The following EPHA6 variants were observed in gnomAD, a reference collection of about 807,000 sequenced individuals.
EPHA6 encodes the protein EPH receptor A6.
EPHA6 carries 50 observed loss-of-function variants against 112.0 expected under a neutral mutation model. The ratio of observed to expected loss-of-function variants is 0.45; its 90% confidence interval spans 0.36 to 0.56. The LOEUF (loss-of-function observed/expected upper bound fraction) is 0.56. Ranked by LOEUF, EPHA6 falls within the 20% of genes least tolerant of loss-of-function variation. The probability of loss-of-function intolerance (pLI) is 0.00; values close to 1 mark genes in which losing one functional copy is unlikely to be tolerated. For missense variants in EPHA6, 1,280 were observed against 1,417.4 expected, an observed-to-expected ratio of 0.90 and a Z score of 1.56; for synonymous variants, 529 against 490.7, an observed-to-expected ratio of 1.08 and a Z score of -1.03.
At chr3:97,248,387 A>G (rs2079040813) in intron 5 of EPHA6, among the ~76,000 whole-genome samples, 1 of 152,092 alleles carries the variant, frequency 6.6e-6, no homozygotes. Context: ...AGTGCATGAT[A>G]GGAAAACGAA....
At chr3:97,221,995 T>A (rs1181579239) in intron 3 of EPHA6, among the ~76,000 whole-genome samples, 22 of 146,904 alleles carry the variant, frequency 1.5e-4, no homozygotes, top group Non-Finnish European at 2.4e-4. Flanking sequence ...ACCACTGCAC[T>A]CCAGCCTGGA....
intron 14 of EPHA6, among the ~76,000 whole-genome samples, chr3:97,660,178 A>G (rs1351916869): frequency 1.3e-5 from 2 of 152,072 alleles, no homozygotes; most frequent in Non-Finnish European, 1.5e-5. Flanking sequence ...AATAGCATTC[A>G]TTATGCTCCC....
chr3:97,480,876 C>T lies in EPHA6; in HGVS notation c.2074+1512C>T, dbSNP rs935965805. ...GCAGAGGCGCTCCTCATATCCCAGA[C>T]GGGGTGGCAGAGCAGAGGCGCTCCC... On this transcript the variant is annotated intron_variant, in intron 9 of 17. Coordinates refer to ENST00000389672, the MANE Select transcript of EPHA6 (RefSeq NM_001080448.3). Among the ~76,000 whole-genome samples the T allele has an allele frequency of 5.9e-5, 9 of 151,730 alleles. No individual in the cohort carries two copies. The East Asian group carries it at 9.8e-4, about 17-fold the overall frequency.
chr3:96,896,734 T>C (rs1290776739), intron 2 of EPHA6, among the ~76,000 whole-genome samples: 1 of 152,206 alleles, frequency 6.6e-6, no homozygotes, highest in Non-Finnish European at 1.5e-5. Flanking sequence ...CAAGGAATTA[T>C]GATATCACCT....
At chr3:97,384,727 AAT>A (rs916420402) in intron 5 of EPHA6, among the ~76,000 whole-genome samples, 1 of 152,178 alleles carries the variant, frequency 6.6e-6, no homozygotes, top group East Asian at 1.9e-4. Flanking sequence ...GATAACATGA[AAT>A]AATAGAAACA....
intron 5 of EPHA6, among the ~76,000 whole-genome samples, chr3:97,334,606 A>G (rs1393063022): frequency 6.6e-6 from 1 of 151,742 alleles, no homozygotes; most frequent in Non-Finnish European, 1.5e-5. Context: ...CAGCCTCTCA[A>G]GTAGCTGGGA....
intron 3 of EPHA6, among the ~76,000 whole-genome samples, chr3:97,060,640 G>C (rs1004957299): frequency 6.6e-6 from 1 of 151,852 alleles, no homozygotes; most frequent in South Asian, 2.1e-4. Context: ...GGCCGGGCGC[G>C]GTGGCTCACG....
At chr3:97,653,422 G>A (rs912293906) in intron 14 of EPHA6, among the ~76,000 whole-genome samples, 2 of 151,796 alleles carry the variant, frequency 1.3e-5, no homozygotes, top group Non-Finnish European at 2.9e-5. Context: ...ATCACTAATC[G>A]TCATGGAAAT....
intron 3 of EPHA6, among the ~76,000 whole-genome samples, chr3:97,009,662 A>T (rs2044009621): frequency 6.6e-6 from 1 of 152,228 alleles, no homozygotes; most frequent in African/African-American, 2.4e-5. Context: ...GCTTAAGCAG[A>T]TTCCAGCTGA....
At chr3:97,323,707 G>T (rs1174833288) in intron 5 of EPHA6, among the ~76,000 whole-genome samples, 3 of 151,698 alleles carry the variant, frequency 2.0e-5, no homozygotes, top group African/African-American at 4.8e-5. Context: ...AACGTAAATG[G>T]TCTCTATTGA....
chr3:96,990,048 A>G (rs2043159118), intron 3 of EPHA6, among the ~76,000 whole-genome samples: 1 of 152,186 alleles, frequency 6.6e-6, no homozygotes, highest in South Asian at 2.1e-4. Flanking sequence ...CATCAGTTTT[A>G]CCATATTTTA....
At chr3:97,467,085 A>G (rs188005001) in intron 7 of EPHA6, among the ~76,000 whole-genome samples, 4 of 151,936 alleles carry the variant, frequency 2.6e-5, no homozygotes, top group Non-Finnish European at 5.9e-5. Flanking sequence ...CTGTATTACA[A>G]CTATGATCTG....
chr3:97,027,934 C>T (rs905864624), intron 3 of EPHA6, among the ~76,000 whole-genome samples: 1 of 152,122 alleles, frequency 6.6e-6, no homozygotes, highest in African/African-American at 2.4e-5. Context: ...TCCAAATTCC[C>T]GTATCCTGGT....
intron 2 of EPHA6, among the ~76,000 whole-genome samples, chr3:96,917,514 A>G (rs2039548854): frequency 6.6e-6 from 1 of 152,018 alleles, no homozygotes; most frequent in African/African-American, 2.4e-5. Flanking sequence ...GCTGTGGAAA[A>G]AAAATAAGCT....
intron 5 of EPHA6, among the ~76,000 whole-genome samples, chr3:97,336,302 G>A (rs757585853): frequency 7.2e-5 from 11 of 152,148 alleles, no homozygotes; most frequent in Non-Finnish European, 1.3e-4. Flanking sequence ...GGACAGCTTG[G>A]AGGTTAGAAA....
At chr3:97,551,286 G>A (rs116299799) in intron 11 of EPHA6, among the ~76,000 whole-genome samples, 1,793 of 152,222 alleles carry the variant, frequency 0.012, 20 homozygotes, top group Non-Finnish European at 0.019. Flanking sequence ...ATAGAGCACA[G>A]TCTTCTGTTT....
intron 3 of EPHA6, among the ~76,000 whole-genome samples, chr3:97,039,452 A>G (rs1343112843): frequency 6.6e-6 from 1 of 152,066 alleles, no homozygotes. Context: ...AGTAGATTGA[A>G]GAATGAATGG....
chr3:97,616,364 T>C (rs1274333529), intron 13 of EPHA6, among the ~76,000 whole-genome samples: 2 of 151,942 alleles, frequency 1.3e-5, no homozygotes, highest in African/African-American at 4.8e-5. Context: ...AAAGCCAGAG[T>C]GTCCTCTTTC....
At chr3:97,737,912 G>T (rs1299712604) in intron 16 of EPHA6, among the ~76,000 whole-genome samples, 1 of 152,040 alleles carries the variant, frequency 6.6e-6, no homozygotes, top group Non-Finnish European at 1.5e-5. Flanking sequence ...CAAGTAATCA[G>T]GAAAAGAGGG....
Sources: allele counts gnomAD v4.1 joint callset (sites outside exome capture counted in the v4.1 genomes callset), GRCh38; gene constraint gnomAD v4.1.1; transcripts MANE v1.5; gene names NCBI Gene and HGNC (gene_info 2026-07-23, HGNC 2026-07-21).